Variants in GSG1 observed in about 807,000 individuals in gnomAD.
The protein encoded by GSG1 is germ cell-specific gene 1 protein.
GSG1 carries 28 observed loss-of-function variants against 30.8 expected under a neutral mutation model. The ratio of observed to expected loss-of-function variants is 0.91; its 90% CI spans 0.67 to 1.25. The LOEUF (loss-of-function observed/expected upper bound fraction) is 1.25, where lower values mean the gene tolerates loss of function less well. GSG1 is among the 50% of genes most tolerant of loss of function. The pLI is 0.00. For missense variants in GSG1, 435 were observed against 444.7 expected (o/e 0.98, Z 0.20); for synonymous variants, 162 against 178.0 (o/e 0.91, Z 0.71).
At chr12:13,092,805 T>A (rs1203107875) in intron 1 of GSG1, among the ~76,000 whole-genome samples, 5 of 145,436 alleles carry the variant, frequency 3.4e-5, no homozygotes, top group South Asian at 2.2e-4. Context: ...TTTTTTTTTT[T>A]ATTGAGACGG....
In GSG1 at chr12:13,090,769, A is replaced by G. The variant is rs985865762; in HGVS notation, c.98T>C (p.Ile33Thr). 6.2e-7 allele frequency: 1 copy of G among 1,614,046 alleles called. No homozygotes were observed. The highest frequency in any genetic ancestry group is 1.3e-5 in the African/African-American group (1 of 74,922). ...FSGQRTLLSAILSMLSLSFST... is the reference protein window; with the variant it reads ...FSGQRTLLSATLSMLSLSFST... Reference sequence around the variant, plus strand: ...GAAGCTGAGTGATAGCATGCTGAGGATGGCAGATAGGAGTGTCCGCTGGCC... The same window carrying G: ...GAAGCTGAGTGATAGCATGCTGAGGGTGGCAGATAGGAGTGTCCGCTGGCC... The change falls in exon 2 of 7, where the codon ATC (isoleucine) becomes ACC (threonine). Residue 33 changes from isoleucine to threonine, a missense_variant. Physicochemically the swap from Ile to Thr is moderately conservative, Grantham distance 89. Coordinates refer to ENST00000651961, the MANE Select transcript of GSG1 (RefSeq NM_001080555.4).
intron 1 of GSG1, chr12:13,095,618 T>C: frequency 6.2e-7 from 1 of 1,614,220 alleles, no homozygotes; most frequent in Non-Finnish European, 8.5e-7. Context: ...GGTCAGCGTC[T>C]TGCAGCTTGT....
intron 1 of GSG1, among the ~76,000 whole-genome samples, chr12:13,092,171 C>A (rs1364750436): frequency 1.3e-5 from 2 of 152,204 alleles, no homozygotes; most frequent in African/African-American, 4.8e-5. Flanking sequence ...ATGTTAAAAT[C>A]TTCCATTTCT....
intron 2 of GSG1, among the ~76,000 whole-genome samples, chr12:13,089,754 A>G (rs926855341): frequency 2.0e-5 from 3 of 152,248 alleles, no homozygotes; most frequent in Non-Finnish European, 4.4e-5. Context: ...CAAGACCTAT[A>G]GAAACGAAGT....
In GSG1 at chr12:13,085,015, A is replaced by T. The variant is rs1865373346; in HGVS notation, c.975T>A (p.Ser325=). Residue 325 remains serine (S), a synonymous_variant, in exon 7 of 7, where the codon TCT becomes TCA. Coordinates refer to ENST00000651961, the MANE Select transcript of GSG1 (RefSeq NM_001080555.4). ...YHQYHNQPIH[S]VSEGVDFYSE... is the part of the protein sequence containing the mutation. ...AGTAGAAGTCGACTCCCTCAGAGAC[A>T]GAGTGGATGGGCTGATTATGATACT... 1 of 1,564,748 alleles carries T rather than the reference A, an allele frequency of 6.4e-7. No individual in the cohort carries two copies.
rs1395474855 is a variant in GSG1, at chr12:13,088,031, C to G, written c.510G>C (p.Gln170His). ...REILWLSLGT[Q>H]ITYIGLQFIS... ...TGAATTGAAGTCCGATGTAGGTGATCTGCGTTCCCAGGGATAACCATAGGA... is the reference window on the plus strand; with the variant it reads ...TGAATTGAAGTCCGATGTAGGTGATGTGCGTTCCCAGGGATAACCATAGGA... Residue 170 changes from glutamine to histidine, a missense_variant, in exon 5 of 7, where the codon CAG becomes CAC. Transcript: ENST00000651961. 5 of 1,614,132 alleles carry G rather than the reference C, an allele frequency of 3.1e-6. No individual in the cohort carries two copies. The African/African-American group carries it at 4.0e-5, about 13-fold the overall frequency.
intron 4 of GSG1, 183 bp downstream of exon 4, chr12:13,088,679 T>G (rs1865786969): frequency 6.7e-7 from 1 of 1,485,706 alleles, no homozygotes; most frequent in Admixed American, 1.8e-5. Flanking sequence ...CAGTGCAGTT[T>G]AGATCCGGAG....
chr12:13,098,157 C>A (rs1862871966), intron 1 of GSG1, among the ~76,000 whole-genome samples: 2 of 147,204 alleles, frequency 1.4e-5, no homozygotes, highest in East Asian at 2.0e-4. Flanking sequence ...TTTTTTTTTA[C>A]GGTTGCATTG....
At chr12:13,087,367 G>T (rs1357865886) in intron 5 of GSG1, 104 bp from the exon 6 acceptor site, 3 of 794,504 alleles carry the variant, frequency 3.8e-6, no homozygotes, top group African/African-American at 1.7e-5. Context: ...CGCAGCCTCT[G>T]TTGGAGTAGC....
intron 6 of GSG1, among the ~76,000 whole-genome samples, chr12:13,085,657 C>T (rs1287872575): frequency 1.3e-5 from 2 of 152,040 alleles, no homozygotes; most frequent in Admixed American, 6.5e-5. Flanking sequence ...CCCTCCCTCT[C>T]CCACCCCAAC....
intron 1 of GSG1, among the ~76,000 whole-genome samples, chr12:13,099,048 C>T (rs566600496): frequency 6.6e-6 from 1 of 152,300 alleles, no homozygotes; most frequent in African/African-American, 2.4e-5. Context: ...TGGGTCCACC[C>T]CTTAGGAGGC....
chr12:13,084,926 G>C lies in GSG1; in HGVS notation c.1064C>G (p.Ser355Ter), dbSNP rs747615000. 10 of 1,551,106 alleles carry C rather than the reference G, an allele frequency of 6.4e-6. No individual in the cohort carries two copies. The South Asian group carries it at 1.2e-4, about 18-fold the overall frequency. The change falls in exon 7 of 7, where the codon TCA becomes TGA. Residue 355 changes from serine (S) to a stop codon, truncating the protein, a stop_gained. Transcript: ENST00000651961. LOFTEE classifies it high-confidence loss of function. ...ASQELKEAVR[S>*]SVEEEQC The stretch of plus-strand genomic sequence containing the variant: ...CTAACACTGCTCTTCCTCTACAGAT[G>C]ACCTAACTGCTTCTTTCAGCTCCTG...
rs1863107880 is a variant in GSG1, at chr12:13,100,338, C to T, written c.48+3127G>A. The stretch of plus-strand genomic sequence containing the variant: ...AAAGGAAGCCCTGGGTCCACAGGCA[C>T]ACCCTAAGCCTTTCCAGGCAGATGC... On this transcript the variant is annotated intron_variant, in intron 1 of 6. Transcript: ENST00000651961. 1.3e-5 allele frequency among the ~76,000 whole-genome samples: 2 copies of T among 152,224 alleles called. 1 individual carries two copies. The highest frequency in any genetic ancestry group is 4.1e-4 in the South Asian group (2 of 4,836).
intron 2 of GSG1, 181 bp from the exon 3 acceptor site, chr12:13,089,457 G>T: frequency 1.1e-6 from 1 of 934,198 alleles, no homozygotes; most frequent in Non-Finnish European, 1.5e-6. Flanking sequence ...CAGTGCTCTT[G>T]GGCAGGGAAG....
chr12:13,096,762 C>T (rs1866697315), intron 1 of GSG1, among the ~76,000 whole-genome samples: 1 of 152,058 alleles, frequency 6.6e-6, no homozygotes, highest in Non-Finnish European at 1.5e-5. Context: ...CACCAGTCAG[C>T]CAGAAGTACA....
intron 1 of GSG1, among the ~76,000 whole-genome samples, chr12:13,092,595 C>A (rs1565540018): frequency 6.6e-6 from 1 of 152,080 alleles, no homozygotes; most frequent in Non-Finnish European, 1.5e-5. Flanking sequence ...TTGGTCATGT[C>A]TTATCTTCCC....
At chr12:13,095,052 GGAGT>G (rs920775801) in intron 1 of GSG1, among the ~76,000 whole-genome samples, 1 of 152,156 alleles carries the variant, frequency 6.6e-6, no homozygotes, top group African/African-American at 2.4e-5. Context: ...CCTTCCAGAA[GGAGT>G]GTCCACCAGG....
rs930909591 is a variant in GSG1, at chr12:13,093,670, C to T, written c.49-2852G>A. On this transcript the variant is annotated intron_variant, in intron 1 of 6. Coordinates refer to ENST00000651961, the MANE Select transcript of GSG1 (RefSeq NM_001080555.4). This position sits in a 1 kb window ranked among gnomAD's most constrained non-coding sequence, Gnocchi z 4.6. ...GTCCACAGAGCCATGGGTAGGGTGT[C>T]GGCAGCCAAGCCCTTGGTCAGTGGA... Among the ~76,000 whole-genome samples, 5 of 152,060 alleles carry T rather than the reference C, an allele frequency of 3.3e-5. No homozygotes were observed. The highest frequency in any genetic ancestry group is 1.3e-4 in the Admixed American group (2 of 15,276).
chr12:13,100,715 A>G (rs1015401456), intron 1 of GSG1, among the ~76,000 whole-genome samples: 5 of 152,144 alleles, frequency 3.3e-5, no homozygotes, highest in Admixed American at 3.3e-4. Context: ...ACATTTTCAC[A>G]TTTGTTTCCC....
Sources: allele counts gnomAD v4.1 joint callset (sites outside exome capture counted in the v4.1 genomes callset), GRCh38; gene constraint gnomAD v4.1.1; non-coding constraint Gnocchi (gnomAD v3.1); transcripts MANE v1.5; gene names NCBI Gene and HGNC (gene_info 2026-07-23, HGNC 2026-07-21).